Variants in PTPRM observed in about 807,000 individuals in gnomAD.
PTPRM encodes the protein receptor-type tyrosine-protein phosphatase mu.
A neutral mutation model predicts 186.7 loss-of-function variants in PTPRM; 47 were observed. The observed-to-expected ratio is 0.25, with a 90% CI of 0.20 to 0.32. The LOEUF (loss-of-function observed/expected upper bound fraction) is 0.32, where lower values mean the gene tolerates loss of function less well. PTPRM is among the 10% of genes least tolerant of loss of function. The probability of loss-of-function intolerance (pLI) is 1.00; values close to 1 mark genes in which losing one functional copy is unlikely to be tolerated. For synonymous variants in PTPRM, 668 were observed against 674.9 expected (o/e 0.99, Z 0.16); for missense variants, 1,494 against 1,865.0 (o/e 0.80, Z 3.66).
chr18:8,301,392 C>A (rs2095156181), intron 20 of PTPRM, among the ~76,000 whole-genome samples: 1 of 152,152 alleles, frequency 6.6e-6, no homozygotes, highest in Non-Finnish European at 1.5e-5. Flanking sequence ...ATACTCTCAA[C>A]AGTTCCTAAT....
At chr18:8,397,095 G>T (rs1344540040) in intron 32 of PTPRM, among the ~76,000 whole-genome samples, 1 of 152,206 alleles carries the variant, frequency 6.6e-6, no homozygotes, top group East Asian at 1.9e-4. Context: ...AGTCTACTTA[G>T]CCGCGTCTTC....
At chr18:7,768,333 GA>G (rs914150218) in intron 1 of PTPRM, among the ~76,000 whole-genome samples, 3 of 151,278 alleles carry the variant, frequency 2.0e-5, no homozygotes, top group African/African-American at 4.9e-5. Context: ...TCTATCAAAG[GA>G]AAAAAAAATT....
intron 14 of PTPRM, among the ~76,000 whole-genome samples, chr18:8,179,502 G>A (rs1568473559): frequency 1.5e-5 from 2 of 135,618 alleles, no homozygotes; most frequent in African/African-American, 5.6e-5. Context: ...ATGGCGCCTT[G>A]CTCTGTCACC....
intron 2 of PTPRM, among the ~76,000 whole-genome samples, chr18:7,795,056 T>C (rs2043549092): frequency 6.6e-6 from 1 of 152,212 alleles, no homozygotes; most frequent in African/African-American, 2.4e-5. Context: ...AGATCAAAGT[T>C]GTAGAGCACT....
chr18:8,076,466 G>A lies in PTPRM; in HGVS notation c.1453G>A (p.Val485Ile). 6.2e-7 allele frequency: 1 copy of A among 1,600,428 alleles called. No individual in the cohort carries two copies. Among genetic ancestry groups the A allele is most frequent in the Admixed American group, 1.7e-5 (1 of 59,340 alleles). ...CCACCCTCCTTTAGTCCCAGGTGCTGTTCCCACTGAATCCATACAAGGAAG... is the reference window on the plus strand; with the variant it reads ...CCACCCTCCTTTAGTCCCAGGTGCTATTCCCACTGAATCCATACAAGGAAG... Reference protein sequence around the residue: ...VQTDEDLPGAVPTESIQGSTF... With the variant: ...VQTDEDLPGAIPTESIQGSTF... Residue 485 changes from valine (V) to isoleucine (I), a missense_variant, in exon 9 of 33, where the codon GTT (valine) becomes ATT (isoleucine). By Grantham distance (29) the Val-to-Ile change is conservative (BLOSUM62 3). Coordinates refer to ENST00000580170, the MANE Select transcript of PTPRM (RefSeq NM_001105244.2).
At chr18:8,004,372 C>T (rs1044847356) in intron 7 of PTPRM, among the ~76,000 whole-genome samples, 7 of 151,194 alleles carry the variant, frequency 4.6e-5, no homozygotes, top group African/African-American at 1.7e-4. Context: ...TAGGGAATTG[C>T]GTAGAAAAAT....
At chr18:7,714,199 C>G (rs1266409305) in intron 1 of PTPRM, among the ~76,000 whole-genome samples, 2 of 152,152 alleles carry the variant, frequency 1.3e-5, no homozygotes, top group African/African-American at 2.4e-5. Context: ...AATTAGAACT[C>G]AGGATTAAGA....
intron 1 of PTPRM, among the ~76,000 whole-genome samples, chr18:7,623,391 A>AT (rs1337765037): frequency 6.6e-6 from 1 of 152,094 alleles, no homozygotes; most frequent in East Asian, 1.9e-4. Context: ...AATTTGTTGT[A>AT]TTTTTGCAGA....
chr18:8,177,387 CAGAACCAGA>C (rs1420132059), intron 14 of PTPRM, among the ~76,000 whole-genome samples: 2 of 152,200 alleles, frequency 1.3e-5, no homozygotes, highest in African/African-American at 4.8e-5. Context: ...TGGCAGCCCT[CAGAACCAGA>C]AGAGGTTCAC....
At chr18:8,248,782 G>A (rs547436480) in intron 17 of PTPRM, among the ~76,000 whole-genome samples, 5 of 152,262 alleles carry the variant, frequency 3.3e-5, no homozygotes, top group Non-Finnish European at 5.9e-5. Context: ...GATCTGAACA[G>A]CAAAATGACA....
intron 20 of PTPRM, among the ~76,000 whole-genome samples, chr18:8,303,140 G>A (rs2095178809): frequency 2.0e-5 from 3 of 152,066 alleles, no homozygotes; most frequent in Admixed American, 6.5e-5. Flanking sequence ...ATAATGGGCG[G>A]TCCTGAGACA....
intron 1 of PTPRM, among the ~76,000 whole-genome samples, chr18:7,718,588 G>A (rs962904439): frequency 1.3e-5 from 2 of 151,884 alleles, no homozygotes; most frequent in African/African-American, 2.4e-5. Context: ...AAAAAGCTTC[G>A]GCACAGCAAG....
chr18:8,311,334 A>G (rs1258925254), intron 20 of PTPRM, among the ~76,000 whole-genome samples: 2 of 152,022 alleles, frequency 1.3e-5, no homozygotes, highest in Non-Finnish European at 2.9e-5. Flanking sequence ...CCTGAAATTT[A>G]AAAAGGCACT....
intron 11 of PTPRM, among the ~76,000 whole-genome samples, chr18:8,096,419 G>A (rs755441305): frequency 1.1e-4 from 16 of 152,176 alleles, no homozygotes; most frequent in African/African-American, 3.4e-4. Context: ...TGTGTTATGC[G>A]TTCCCCTCTT....
intron 2 of PTPRM, among the ~76,000 whole-genome samples, chr18:7,859,227 A>AC (rs2047231240): frequency 1.3e-5 from 2 of 152,196 alleles, no homozygotes; most frequent in African/African-American, 4.8e-5. Context: ...AATATGTATT[A>AC]TGTATATTAA....
At chr18:7,854,337 A>T (rs1412151437) in intron 2 of PTPRM, among the ~76,000 whole-genome samples, 3 of 152,198 alleles carry the variant, frequency 2.0e-5, no homozygotes, top group African/African-American at 7.2e-5. Flanking sequence ...TAAAGCAGAA[A>T]TAATGAGGAT....
chr18:8,070,573 A>G (rs1321543948), intron 8 of PTPRM, among the ~76,000 whole-genome samples: 2 of 152,160 alleles, frequency 1.3e-5, no homozygotes, highest in East Asian at 3.9e-4. Context: ...TAAACCATGC[A>G]TGTCACCAGT....
intron 24 of PTPRM, 109 bp from the exon 25 acceptor site, chr18:8,375,937 C>G (rs1188791561): frequency 4.9e-6 from 6 of 1,214,798 alleles, no homozygotes; most frequent in Non-Finnish European, 7.0e-6. Flanking sequence ...TGTTTCCTGG[C>G]CCTAGACTTG....
chr18:7,614,002 G>C (rs1322313986), intron 1 of PTPRM, among the ~76,000 whole-genome samples: 1 of 152,170 alleles, frequency 6.6e-6, no homozygotes, highest in African/African-American at 2.4e-5. Context: ...TCATGACTTA[G>C]TGGGGGGATT....
Sources: gnomAD v4.1 joint callset for allele counts (sites outside exome capture counted in the v4.1 genomes callset) on GRCh38, gnomAD v4.1.1 for gene constraint, MANE v1.5 for transcripts, NCBI Gene and HGNC (gene_info 2026-07-23, HGNC 2026-07-21) for gene names.